Variants in KCNIP4 observed in about 807,000 individuals in gnomAD.
KCNIP4 encodes Kv channel-interacting protein 4.
A neutral mutation model predicts 34.0 loss-of-function variants in KCNIP4; 12 were observed. The observed-to-expected ratio is 0.35, with a 90% CI of 0.23 to 0.57. The LOEUF (loss-of-function observed/expected upper bound fraction) is 0.57, where lower values mean the gene tolerates loss of function less well. Among genes scored for constraint, KCNIP4 ranks in the 20% least tolerant of loss-of-function variants. KCNIP4 has a pLI of 0.83. For missense variants in KCNIP4, 238 were observed against 311.7 expected (o/e 0.76, Z 1.78); for synonymous variants, 124 against 102.2 (o/e 1.21, Z -1.29).
intron 1 of KCNIP4, among the ~76,000 whole-genome samples, chr4:20,950,113 T>C (rs1277546146): frequency 7.8e-6 from 1 of 127,802 alleles, no homozygotes; most frequent in Non-Finnish European, 1.6e-5. Flanking sequence ...TCCAGAGAAA[T>C]AAAAATATTT....
intron 1 of KCNIP4, among the ~76,000 whole-genome samples, chr4:21,619,463 A>G (rs552104447): frequency 4.6e-5 from 7 of 152,228 alleles, no homozygotes; most frequent in Non-Finnish European, 8.8e-5. Context: ...TGTTAGCTGT[A>G]CTGCATACTT....
chr4:21,177,877 T>A (rs577586115), intron 1 of KCNIP4, among the ~76,000 whole-genome samples: 14 of 146,348 alleles, frequency 9.6e-5, no homozygotes, highest in African/African-American at 3.1e-4. Context: ...TATATATATA[T>A]AAAATATAAC....
At chr4:20,774,131 G>A (rs1560455373) in intron 3 of KCNIP4, among the ~76,000 whole-genome samples, 1 of 152,134 alleles carries the variant, frequency 6.6e-6, no homozygotes, top group South Asian at 2.1e-4. Context: ...AATGTCTAGC[G>A]TCGTGCCTGG....
intron 1 of KCNIP4, among the ~76,000 whole-genome samples, chr4:21,673,494 T>C (rs561598492): frequency 6.6e-6 from 1 of 152,202 alleles, no homozygotes; most frequent in East Asian, 1.9e-4. Flanking sequence ...ATTATAACAA[T>C]AAGAATAAAA....
At chr4:20,856,314 G>C (rs1239291229) in intron 2 of KCNIP4, among the ~76,000 whole-genome samples, 2 of 152,186 alleles carry the variant, frequency 1.3e-5, no homozygotes, top group Non-Finnish European at 2.9e-5. Flanking sequence ...AACCTAAAAT[G>C]TTCCACTTTC....
intron 1 of KCNIP4, among the ~76,000 whole-genome samples, chr4:21,587,796 A>G (rs543250259): frequency 6.6e-6 from 1 of 152,140 alleles, no homozygotes; most frequent in Non-Finnish European, 1.5e-5. Context: ...GTACAGAAAT[A>G]TTGTCAGAGT....
chr4:20,941,651 A>G (rs1731650683), intron 1 of KCNIP4, among the ~76,000 whole-genome samples: 1 of 152,248 alleles, frequency 6.6e-6, no homozygotes, highest in African/African-American at 2.4e-5. Flanking sequence ...ATGAAATGCC[A>G]TACAGAAAGG....
At chr4:21,855,947 T>C (rs1046806006) in intron 1 of KCNIP4, among the ~76,000 whole-genome samples, 3 of 152,224 alleles carry the variant, frequency 2.0e-5, no homozygotes, top group Admixed American at 1.3e-4. Context: ...ATTAACAACA[T>C]TGAAAAATCA....
intron 1 of KCNIP4, among the ~76,000 whole-genome samples, chr4:21,001,218 C>A (rs1027446401): frequency 6.6e-6 from 1 of 152,296 alleles, no homozygotes; most frequent in Admixed American, 6.5e-5. Flanking sequence ...AGATACAATA[C>A]ATCACCCTTA....
intron 1 of KCNIP4, among the ~76,000 whole-genome samples, chr4:21,573,796 C>G (rs1404390886): frequency 6.6e-6 from 1 of 152,114 alleles, no homozygotes; most frequent in East Asian, 1.9e-4. Context: ...GATTATCAGC[C>G]AGGTTACAGT....
At chr4:20,740,609 A>C (rs1750833857) in intron 5 of KCNIP4, among the ~76,000 whole-genome samples, 1 of 152,230 alleles carries the variant, frequency 6.6e-6, no homozygotes, top group Non-Finnish European at 1.5e-5. Flanking sequence ...GATACCAGCC[A>C]CTGCAAAAAC....
chr4:21,928,414 CT>C (rs1346380300), intron 1 of KCNIP4, among the ~76,000 whole-genome samples: 2 of 152,090 alleles, frequency 1.3e-5, no homozygotes, highest in African/African-American at 4.8e-5. Flanking sequence ...CCCAGCATAT[CT>C]TTAATAAGAG....
intron 1 of KCNIP4, among the ~76,000 whole-genome samples, chr4:21,358,438 T>A (rs1244242031): frequency 6.6e-6 from 1 of 152,308 alleles, no homozygotes; most frequent in East Asian, 1.9e-4. Flanking sequence ...ATTTGATTCA[T>A]GATTACCACA....
chr4:20,801,518 A>T (rs1031905431), intron 3 of KCNIP4, among the ~76,000 whole-genome samples: 1 of 152,172 alleles, frequency 6.6e-6, no homozygotes, highest in Admixed American at 6.5e-5. Context: ...ATACAATATG[A>T]AAAGATGTGT....
chr4:21,099,550 C>T (rs1183462485), intron 1 of KCNIP4, among the ~76,000 whole-genome samples: 4 of 152,168 alleles, frequency 2.6e-5, no homozygotes, highest in African/African-American at 9.6e-5. Flanking sequence ...GTGCAGCAAA[C>T]CAACATGGCA....
At chr4:21,870,377 C>G (rs13146189) in intron 1 of KCNIP4, among the ~76,000 whole-genome samples, 1 of 152,272 alleles carries the variant, frequency 6.6e-6, no homozygotes, top group African/African-American at 2.4e-5. Flanking sequence ...AGGGATTTCT[C>G]TAGGGTCCCG....
intron 1 of KCNIP4, among the ~76,000 whole-genome samples, chr4:21,906,981 T>C (rs769184165): frequency 2.0e-5 from 3 of 152,226 alleles, no homozygotes; most frequent in Non-Finnish European, 4.4e-5. Flanking sequence ...CTTTAGTTTC[T>C]CTCAATGTTT....
intron 1 of KCNIP4, among the ~76,000 whole-genome samples, chr4:21,128,738 C>T (rs1280003711): frequency 6.6e-6 from 1 of 152,158 alleles, no homozygotes; most frequent in Non-Finnish European, 1.5e-5. Flanking sequence ...CTTTGGCTTA[C>T]GTTATTATCA....
At chr4:21,297,383 C>T (rs532702032) in intron 1 of KCNIP4, among the ~76,000 whole-genome samples, 32 of 152,136 alleles carry the variant, frequency 2.1e-4, no homozygotes, top group African/African-American at 7.7e-4. Context: ...TTTGTAATGG[C>T]ACCTATTTCT....
Sources: gnomAD v4.1 joint callset for allele counts (sites outside exome capture counted in the v4.1 genomes callset) on GRCh38, gnomAD v4.1.1 for gene constraint, MANE v1.5 for transcripts, NCBI Gene and HGNC (gene_info 2026-07-23, HGNC 2026-07-21) for gene names.